CCDC171: variants seen among roughly 807,000 people sequenced by gnomAD.
The protein encoded by CCDC171 is coiled-coil domain containing 171, also known as coiled-coil domain-containing protein 171.
Under a neutral mutation model 168.2 loss-of-function variants are expected in CCDC171, and 177 were observed. The ratio of observed to expected loss-of-function variants is 1.05; its 90% CI spans 0.93 to 1.19. The LOEUF (loss-of-function observed/expected upper bound fraction) is 1.19. Ranked by LOEUF, CCDC171 falls within the 50% of genes most tolerant of loss-of-function variation. The pLI, the probability that CCDC171 is intolerant of heterozygous loss-of-function variation, is 0.00. For missense variants in CCDC171, 1,991 were observed against 1,539.0 expected, an observed-to-expected ratio of 1.29 and a Z score of -4.91; for synonymous variants, 687 against 540.8, an observed-to-expected ratio of 1.27 and a Z score of -3.75.
At chr9:15,880,317 C>A (rs1271022961) in intron 24 of CCDC171, among the ~76,000 whole-genome samples, 2 of 152,148 alleles carry the variant, frequency 1.3e-5, no homozygotes, top group Non-Finnish European at 2.9e-5. Context: ...TCTCTTTATT[C>A]TTTTACATTT....
At chr9:15,681,873 A>G (rs1330401990) in intron 10 of CCDC171, among the ~76,000 whole-genome samples, 2 of 152,036 alleles carry the variant, frequency 1.3e-5, no homozygotes, top group Non-Finnish European at 2.9e-5. Flanking sequence ...TTGGAAACGA[A>G]ATTGTTTTAA....
chr9:15,816,720 A>G (rs1403487398), intron 21 of CCDC171, among the ~76,000 whole-genome samples: 2 of 118,268 alleles, frequency 1.7e-5, no homozygotes, highest in African/African-American at 6.4e-5. Flanking sequence ...AATGTCAGAG[A>G]GATGAAACAA....
intron 25 of CCDC171, among the ~76,000 whole-genome samples, chr9:15,930,143 A>C (rs1308357746): frequency 2.0e-5 from 3 of 151,634 alleles, no homozygotes; most frequent in East Asian, 1.9e-4. Flanking sequence ...TTTGAATTGA[A>C]ATTAATGAGA....
At chr9:15,704,892 T>A (rs1248305776) in intron 11 of CCDC171, among the ~76,000 whole-genome samples, 1 of 152,000 alleles carries the variant, frequency 6.6e-6, no homozygotes, top group Non-Finnish European at 1.5e-5. Context: ...ACTAATGGGG[T>A]CTCTCTGCTT....
Position 15,795,194 on chromosome 9 carries a change from A to T in CCDC171, c.3267+10500A>T, listed in dbSNP as rs375762697. Among the ~76,000 whole-genome samples the T allele has an allele frequency of 2.6e-5, 4 of 152,292 alleles. No individual in the cohort carries two copies. The East Asian group carries it at 5.8e-4, about 22-fold the overall frequency. The stretch of plus-strand genomic sequence containing the variant: ...CAGAAGGGCAAGAGAGTGTGCTTGC[A>T]TTCTCTGGGGGAAGGAAGTAGGGAA... On this transcript the variant is annotated intron_variant, in intron 21 of 25. Coordinates refer to ENST00000380701, the MANE Select transcript of CCDC171 (RefSeq NM_173550.4).
chr9:15,700,230 G>A (rs1032130067), intron 11 of CCDC171, among the ~76,000 whole-genome samples: 2 of 152,214 alleles, frequency 1.3e-5, no homozygotes, highest in African/African-American at 4.8e-5. Flanking sequence ...GCACAGCGCC[G>A]GTGGGCTGGC....
chr9:15,743,974 T>A (rs2055077271), intron 16 of CCDC171, among the ~76,000 whole-genome samples: 1 of 152,184 alleles, frequency 6.6e-6, no homozygotes. Flanking sequence ...TTTTCTAAAT[T>A]TGTGTGTTTA....
chr9:15,729,851 T>C, intron 16 of CCDC171, 53 bp downstream of exon 16: 6 of 1,494,910 alleles, frequency 4.0e-6, no homozygotes, highest in East Asian at 2.3e-5. Context: ...GTGTAACCAT[T>C]AGAAACTTTT....
chr9:15,703,152 C>T (rs780728547), intron 11 of CCDC171, among the ~76,000 whole-genome samples: 2 of 152,242 alleles, frequency 1.3e-5, no homozygotes, highest in Admixed American at 1.3e-4. Flanking sequence ...GCGGTCTGCC[C>T]GCCTTGGCCT....
chr9:15,877,785 A>G (rs1818054999), intron 24 of CCDC171, among the ~76,000 whole-genome samples: 1 of 152,178 alleles, frequency 6.6e-6, no homozygotes, highest in South Asian at 2.1e-4. Flanking sequence ...TATAAAGATA[A>G]TACCTATTAT....
intron 6 of CCDC171, among the ~76,000 whole-genome samples, chr9:15,611,573 C>T (rs1334634703): frequency 1.3e-5 from 2 of 152,052 alleles, no homozygotes; most frequent in Admixed American, 6.6e-5. Flanking sequence ...GTCTAACTGC[C>T]CACTATGCAG....
chr9:15,636,840 C>T (rs750447685), intron 7 of CCDC171, among the ~76,000 whole-genome samples: 1 of 150,168 alleles, frequency 6.7e-6, no homozygotes. Flanking sequence ...CTTAAGGATG[C>T]TAGAAAACTC....
At chr9:15,993,109 G>A (rs1345273078) in intron 3 of CCDC171, among the ~76,000 whole-genome samples, 1 of 151,968 alleles carries the variant, frequency 6.6e-6, no homozygotes. Context: ...AAGTTCATAT[G>A]GAACCAAAAA....
chr9:15,682,021 G>A (rs1455821355), intron 10 of CCDC171, among the ~76,000 whole-genome samples: 1 of 151,890 alleles, frequency 6.6e-6, no homozygotes, highest in African/African-American at 2.4e-5. Context: ...CCCTTTTGAG[G>A]TACCAGATTG....
At chr9:15,775,002 T>A (rs1038570910) in intron 18 of CCDC171, among the ~76,000 whole-genome samples, 2 of 152,144 alleles carry the variant, frequency 1.3e-5, no homozygotes. Flanking sequence ...TTGGGTGCAG[T>A]GTACACTGCT....
rs190208938 is a variant in CCDC171 at position 15,627,817 on chromosome 9, G to A, written c.822+4404G>A. ...CTGTTGATTTTGCATGGAGAGTACC[G>A]TAGATGTCTATTAGGTCTGCTTGGT... On this transcript the variant is annotated intron_variant, in intron 7 of 25. Coordinates refer to ENST00000380701, the MANE Select transcript of CCDC171 (RefSeq NM_173550.4). Among the ~76,000 whole-genome samples the A allele has an allele frequency of 3.1e-3, 472 of 152,284 alleles. 1 individual carries two copies. Among genetic ancestry groups the A allele is most frequent in the Non-Finnish European group, 5.1e-3 (345 of 68,022 alleles).
intron 25 of CCDC171, among the ~76,000 whole-genome samples, chr9:15,962,003 A>G (rs1449982874): frequency 6.6e-6 from 1 of 152,208 alleles, no homozygotes; most frequent in Non-Finnish European, 1.5e-5. Context: ...AATATTTTAA[A>G]TAGTTATGGG....
chr9:16,058,767 A>G (rs1833883227), intron 1 of CCDC171, among the ~76,000 whole-genome samples: 1 of 152,212 alleles, frequency 6.6e-6, no homozygotes, highest in Admixed American at 6.5e-5. Flanking sequence ...ATAGAATTCT[A>G]ATTGTCTCAA....
intron 1 of CCDC171, among the ~76,000 whole-genome samples, chr9:16,045,699 A>T (rs1397347037): frequency 6.6e-6 from 1 of 152,166 alleles, no homozygotes; most frequent in Non-Finnish European, 1.5e-5. Context: ...GAGGCTGAGG[A>T]GTGAATAGAA....
Sources: gnomAD v4.1 joint callset for allele counts (sites outside exome capture counted in the v4.1 genomes callset) on GRCh38, gnomAD v4.1.1 for gene constraint, MANE v1.5 for transcripts, NCBI Gene and HGNC (gene_info 2026-07-23, HGNC 2026-07-21) for gene names.